USP48: variants seen among roughly 807,000 people sequenced by gnomAD.
USP48 encodes the protein ubiquitin specific peptidase 48.
A neutral mutation model predicts 150.7 loss-of-function variants in USP48; 43 were observed. The observed-to-expected ratio is 0.29, with a 90% CI of 0.22 to 0.37. The LOEUF is 0.37. Among genes scored for constraint, USP48 ranks in the 10% least tolerant of loss-of-function variants. The pLI, the probability that USP48 is intolerant of heterozygous loss-of-function variation, is 1.00. For missense variants in USP48, 813 were observed against 1,249.6 expected, an observed-to-expected ratio of 0.65 and a Z score of 5.27; for synonymous variants, 396 against 425.9, an observed-to-expected ratio of 0.93 and a Z score of 0.86.
Position 21,736,476 on chromosome 1 carries a change from T to A in USP48, c.1141A>T (p.Lys381Ter). ...TCTTCCTCAATCCCTAGTTGTAATT[T>A]CTTCCCCTCCATCTTTTCTATGTCT... Reference protein sequence around the residue: ...DEDIEKMEGKKLQLGIEEDLA... With the variant: ...DEDIEKMEGK Residue 381 changes from lysine (K) to a stop codon, truncating the protein, a stop_gained, in exon 9 of 27, where the codon AAA becomes TAA. Coordinates refer to ENST00000308271, the MANE Select transcript of USP48 (RefSeq NM_032236.8). LOFTEE classifies it high-confidence loss of function. 6.2e-7 allele frequency: 1 copy of A among 1,611,894 alleles called. No homozygotes were observed. The highest frequency in any genetic ancestry group is 2.2e-5 in the East Asian group (1 of 44,674).
intron 8 of USP48, among the ~76,000 whole-genome samples, chr1:21,744,391 G>C (rs907433753): frequency 1.3e-5 from 2 of 151,454 alleles, no homozygotes; most frequent in Admixed American, 6.6e-5. Flanking sequence ...AGGCTGCAGT[G>C]AGTCGAAATT....
At position 21,703,532 on chromosome 1, in the gene USP48, T is replaced by C; in HGVS notation, c.2602A>G (p.Lys868Glu). Residue 868 changes from lysine to glutamate, a missense_variant, in exon 21 of 27, where the codon AAA (lysine) becomes GAA (glutamate). Lys to Glu is a moderately conservative substitution (Grantham distance 56, BLOSUM62 1). Coordinates refer to ENST00000308271, the MANE Select transcript of USP48 (RefSeq NM_032236.8). ...EYTQATIYVH[K>E]VVDNKKVMKD... is the part of the protein sequence containing the mutation. ...AGTACCTTTTTATTATCCACAACTT[T>C]ATGGACATAGATGGTGGCTTGAGTG... 1.2e-6 allele frequency: 2 copies of C among 1,613,166 alleles called. No homozygotes were observed.
chr1:21,695,981 T>G (rs1246908928), intron 22 of USP48, among the ~76,000 whole-genome samples: 1 of 152,232 alleles, frequency 6.6e-6, no homozygotes, highest in East Asian at 1.9e-4. Context: ...GCAAAAATGT[T>G]ATACTGGAAT....
At chr1:21,758,794 AAG>A in intron 1 of USP48, among the ~76,000 whole-genome samples, 1 of 148,818 alleles carries the variant, frequency 6.7e-6, no homozygotes, top group Non-Finnish European at 1.5e-5. Flanking sequence ...AATGAATGAA[AAG>A]GAAATGTACC....
intron 1 of USP48, among the ~76,000 whole-genome samples, chr1:21,771,073 C>T (rs1256654667): frequency 6.6e-6 from 1 of 152,030 alleles, no homozygotes; most frequent in Non-Finnish European, 1.5e-5. Context: ...ATGCAGTGAG[C>T]TAAGATCGTG....
intron 25 of USP48, chr1:21,686,931 T>C: frequency 2.0e-6 from 1 of 492,266 alleles, no homozygotes; most frequent in Non-Finnish European, 3.6e-6. Flanking sequence ...GCAATCTGAC[T>C]TAGTTTTGCT....
chr1:21,686,222 T>C (rs894758340), intron 25 of USP48: 1 of 152,224 alleles, frequency 6.6e-6, no homozygotes, highest in African/African-American at 2.4e-5. Context: ...TCCAATACTA[T>C]GTTGAATAAG....
rs576716191 is a variant in USP48 at position 21,728,848 on chromosome 1, C to T, written c.1301-129G>A. The T allele has an allele frequency of 1.7e-4, 194 of 1,140,678 alleles. No individual in the cohort carries two copies. In the African/African-American group the frequency reaches 2.8e-3, roughly 17 times the overall value. 70.7% of individuals were successfully genotyped at this position (1,140,678 alleles called of 1,614,324 possible). On this transcript the variant is annotated intron_variant, in intron 10 of 26. Coordinates refer to ENST00000308271, the MANE Select transcript of USP48 (RefSeq NM_032236.8). Reference sequence around the variant, plus strand: ...GAAATTCCAACTATGGTCTCCCTGTCTGCTAGAAACCTCCAAACTGAAGGC... The same window carrying T: ...GAAATTCCAACTATGGTCTCCCTGTTTGCTAGAAACCTCCAAACTGAAGGC...
Position 21,740,099 on chromosome 1 carries a change from C to T in USP48, c.992-3474G>A, listed in dbSNP as rs912090174. ...GCTAATTTTGTATTTTTAGTAGAGA[C>T]GGCGTTTCTCCATGTTGGTCAGGCT... On this transcript the variant is annotated intron_variant, in intron 8 of 26. Transcript: ENST00000308271. Among the ~76,000 whole-genome samples the T allele has an allele frequency of 3.9e-5, 6 of 152,116 alleles. No individual in the cohort carries two copies. In the South Asian group the frequency reaches 8.3e-4, roughly 21 times the overall value.
chr1:21,766,854 C>G (rs1438909024), intron 1 of USP48, among the ~76,000 whole-genome samples: 4 of 152,002 alleles, frequency 2.6e-5, no homozygotes, highest in Non-Finnish European at 1.5e-5. Context: ...AACTTGAGGT[C>G]AGGAGTTCCA....
chr1:21,731,439 T>C (rs2152557983), intron 9 of USP48, among the ~76,000 whole-genome samples: 1 of 151,960 alleles, frequency 6.6e-6, no homozygotes, highest in South Asian at 2.1e-4. Flanking sequence ...AATTTTTGCA[T>C]TTTTAGTGGA....
At chr1:21,741,654 C>A (rs1048426923) in intron 8 of USP48, among the ~76,000 whole-genome samples, 1 of 152,074 alleles carries the variant, frequency 6.6e-6, no homozygotes, top group African/African-American at 2.4e-5. Flanking sequence ...CTGTAAGTTT[C>A]TTTTTTAAAA....
Position 21,700,020 on chromosome 1 carries a change from A to T in USP48, c.2727+1478T>A, listed in dbSNP as rs1053982683. ...CTTGTGGAGACATATTAGTAGAGTC[A>T]ACTAATATGTCTCCACAAGCGTTTG... On this transcript the variant is annotated intron_variant, in intron 22 of 26. Transcript: ENST00000308271. Among the ~76,000 whole-genome samples, 26 of 148,058 alleles carry T rather than the reference A, an allele frequency of 1.8e-4. No individual in the cohort carries two copies. In the East Asian group the frequency reaches 1.8e-3, roughly 10 times the overall value.
chr1:21,763,702 C>G, intron 1 of USP48, among the ~76,000 whole-genome samples: 1 of 152,250 alleles, frequency 6.6e-6, no homozygotes, highest in East Asian at 1.9e-4. Context: ...GTAATTCCAG[C>G]TACTCAGGAG....
chr1:21,716,671 C>A (rs2097705216), intron 14 of USP48, among the ~76,000 whole-genome samples: 2 of 152,184 alleles, frequency 1.3e-5, no homozygotes, highest in South Asian at 2.1e-4. Context: ...GTGTCACTAT[C>A]AATTTATAGT....
intron 15 of USP48, 65 bp downstream of exon 15, chr1:21,715,324 G>C: frequency 7.8e-7 from 1 of 1,289,604 alleles, no homozygotes; most frequent in African/African-American, 1.5e-5. Flanking sequence ...ATGAAAGCCA[G>C]GCAGTAGAAG....
chr1:21,699,679 A>C (rs1213189730), intron 22 of USP48, among the ~76,000 whole-genome samples: 1 of 151,256 alleles, frequency 6.6e-6, no homozygotes, highest in Admixed American at 6.6e-5. Flanking sequence ...ACGCCCGGCT[A>C]ATTTTTTTTG....
At chr1:21,777,972 CA>C (rs34374350) in intron 1 of USP48, among the ~76,000 whole-genome samples, 35,933 of 118,716 alleles carry the variant, frequency 0.3, 5,478 homozygotes, top group African/African-American at 0.43. Flanking sequence ...CTAAATATAC[CA>C]AAAAAAAAAA....
At chr1:21,733,490 A>G (rs765352747) in intron 9 of USP48, among the ~76,000 whole-genome samples, 2 of 152,234 alleles carry the variant, frequency 1.3e-5, no homozygotes, top group Non-Finnish European at 2.9e-5. Context: ...AATGATTCAT[A>G]AAACTTCAGG....
Sources: allele counts gnomAD v4.1 joint callset (sites outside exome capture counted in the v4.1 genomes callset), GRCh38; gene constraint gnomAD v4.1.1; transcripts MANE v1.5; gene names NCBI Gene and HGNC (gene_info 2026-07-23, HGNC 2026-07-21).